Variants in ABCC4 observed in about 807,000 individuals in gnomAD.
The protein encoded by ABCC4 is ATP binding cassette subfamily C member 4 (PEL blood group).
Under a neutral mutation model 168.5 loss-of-function variants are expected in ABCC4, and 102 were observed. The ratio of observed to expected loss-of-function variants is 0.61; its 90% CI spans 0.52 to 0.71. The LOEUF (loss-of-function observed/expected upper bound fraction) is 0.71, where lower values mean the gene tolerates loss of function less well. Among genes scored for constraint, ABCC4 ranks in the 30% least tolerant of loss-of-function variants. ABCC4 has a pLI of 0.00. For missense variants in ABCC4, 1,402 were observed against 1,605.8 expected, an observed-to-expected ratio of 0.87 and a Z score of 2.17; for synonymous variants, 617 against 590.7, an observed-to-expected ratio of 1.04 and a Z score of -0.65.
intron 1 of ABCC4, among the ~76,000 whole-genome samples, chr13:95,296,835 C>T (rs1251377717): frequency 2.6e-5 from 4 of 152,134 alleles, no homozygotes; most frequent in Non-Finnish European, 5.9e-5. Flanking sequence ...CACTTATTTC[C>T]ACTAACGGGA....
chr13:95,290,794 A>G (rs1486508789), intron 1 of ABCC4, among the ~76,000 whole-genome samples: 1 of 150,704 alleles, frequency 6.6e-6, no homozygotes, highest in Non-Finnish European at 1.5e-5. Flanking sequence ...GGGCAAAAAG[A>G]GCAAAACTCC....
intron 20 of ABCC4, among the ~76,000 whole-genome samples, chr13:95,103,790 G>A (rs1220878081): frequency 6.6e-6 from 1 of 152,054 alleles, no homozygotes; most frequent in African/African-American, 2.4e-5. Context: ...AAATTCCTGT[G>A]CTTAAGAAAC....
At chr13:95,057,839 AAACTTCCTAGATTCCCT>A (rs2033122865) in intron 26 of ABCC4, among the ~76,000 whole-genome samples, 1 of 152,210 alleles carries the variant, frequency 6.6e-6, no homozygotes, top group South Asian at 2.1e-4. Flanking sequence ...GTTTGCTCCC[AAACTTCCTAGATTCCCT>A]ACATCAGTGT....
At position 95,290,143 on chromosome 13, in the gene ABCC4, GA is replaced by G. The variant is rs1240716332; in HGVS notation, c.74+11097del. ...AGATAGATAGATAGATAGATAGATA[GA>G]TAGATGATAGATAGATAGATGCGTG... On this transcript the variant is annotated intron_variant, in intron 1 of 30. Transcript: ENST00000645237. Among the ~76,000 whole-genome samples the G allele has an allele frequency of 1.8e-3, 272 of 151,694 alleles. 1 individual carries two copies. Among genetic ancestry groups the G allele is most frequent in the African/African-American group, 6.2e-3 (257 of 41,332 alleles).
intron 30 of ABCC4, among the ~76,000 whole-genome samples, chr13:95,029,172 A>ATCTATC (rs778904308): frequency 2.1e-4 from 13 of 60,760 alleles, no homozygotes; most frequent in African/African-American, 8.1e-4. Flanking sequence ...AAATACATAT[A>ATCTATC]TATATATATA....
chr13:95,182,169 G>A (rs1028406197), intron 11 of ABCC4, among the ~76,000 whole-genome samples: 2 of 152,066 alleles, frequency 1.3e-5, no homozygotes, highest in African/African-American at 2.4e-5. Context: ...CAACAAAAAG[G>A]CATAACAACA....
chr13:95,276,686 A>C (rs2040980563), intron 1 of ABCC4, among the ~76,000 whole-genome samples: 1 of 152,126 alleles, frequency 6.6e-6, no homozygotes, highest in Admixed American at 6.6e-5. Context: ...ACCCCTCTCA[A>C]ACCACAGCAT....
chr13:95,034,776 T>C lies in ABCC4; in HGVS notation c.3736-37A>G, dbSNP rs759876521. ...CAGAAAGAAACCCATTGAAACACAA[T>C]GTTTTGCAGTAACATATTATAACAG... On this transcript the variant is annotated intron_variant, in intron 29 of 30. Transcript: ENST00000645237. The C allele has an allele frequency of 3.1e-6, 5 of 1,612,872 alleles. No homozygotes were observed. In the African/African-American group the frequency reaches 5.4e-5, roughly 17 times the overall value.
intron 15 of ABCC4, 127 bp from the exon 16 acceptor site, chr13:95,164,645 A>C: frequency 1.0e-6 from 1 of 952,574 alleles, no homozygotes; most frequent in South Asian, 1.9e-5. Context: ...TCTCCTGTGG[A>C]GAAGGGTGTG....
chr13:95,176,886 T>C (rs1406267065), intron 13 of ABCC4, among the ~76,000 whole-genome samples: 5 of 152,214 alleles, frequency 3.3e-5, no homozygotes, highest in East Asian at 3.8e-4. Context: ...GTCTAGACTA[T>C]GTAGGAAGTG....
intron 30 of ABCC4, among the ~76,000 whole-genome samples, chr13:95,028,452 GA>G (rs1217953743): frequency 6.6e-6 from 1 of 151,926 alleles, no homozygotes; most frequent in African/African-American, 2.4e-5. Context: ...GAAAAGAAAT[GA>G]ACAGAAAAAA....
At chr13:95,092,546 C>T (rs138513719) in intron 20 of ABCC4, among the ~76,000 whole-genome samples, 5,650 of 152,074 alleles carry the variant, frequency 0.037, 153 homozygotes, top group Non-Finnish European at 0.055. Context: ...AATGACACAA[C>T]CTATCAAAAC....
intron 21 of ABCC4, among the ~76,000 whole-genome samples, chr13:95,080,721 C>T (rs1353168463): frequency 6.6e-6 from 1 of 152,222 alleles, no homozygotes; most frequent in East Asian, 1.9e-4. Flanking sequence ...GATCCACCCA[C>T]CTCGGCCTCC....
At chr13:95,238,195 G>GAA (rs10644641) in intron 3 of ABCC4, among the ~76,000 whole-genome samples, 13,399 of 65,546 alleles carry the variant, frequency 0.2, 1,088 homozygotes, top group East Asian at 0.46. Flanking sequence ...CTCCATCTCA[G>GAA]AAAAAAAAAA....
chr13:95,088,117 T>C (rs973242382), intron 20 of ABCC4, among the ~76,000 whole-genome samples: 1 of 152,164 alleles, frequency 6.6e-6, no homozygotes, highest in Non-Finnish European at 1.5e-5. Context: ...GAAGAGTGAA[T>C]GGTGTAAGGC....
chr13:95,217,651 T>C lies in ABCC4; in HGVS notation c.532-6870A>G, dbSNP rs544018931. On this transcript the variant is annotated intron_variant, in intron 4 of 30. Transcript: ENST00000645237. ...GGGGAGGCTGAGGCAGGAGAATCGC[T>C]TGAACCCGAGAGGCAGGGGTTGCAG... Among the ~76,000 whole-genome samples the C allele has an allele frequency of 9.9e-5, 15 of 151,100 alleles. No individual in the cohort carries two copies. In the South Asian group the frequency reaches 3.2e-3, roughly 32 times the overall value.
intron 8 of ABCC4, among the ~76,000 whole-genome samples, chr13:95,199,516 A>G (rs1420452133): frequency 4.6e-5 from 7 of 152,182 alleles, no homozygotes; most frequent in African/African-American, 1.7e-4. Context: ...CTAGTATTCC[A>G]TATTTCAGTG....
At chr13:95,104,607 G>C (rs2139382270) in intron 20 of ABCC4, among the ~76,000 whole-genome samples, 1 of 152,272 alleles carries the variant, frequency 6.6e-6, no homozygotes, top group East Asian at 1.9e-4. Context: ...CTTTCCCAAG[G>C]CTTCGACTTG....
At chr13:95,122,927 G>A (rs1268826738) in intron 19 of ABCC4, among the ~76,000 whole-genome samples, 1 of 152,196 alleles carries the variant, frequency 6.6e-6, no homozygotes, top group Non-Finnish European at 1.5e-5. Context: ...TTTTCAAAGT[G>A]TAGTTGTTTC....
Sources: allele counts gnomAD v4.1 joint callset (sites outside exome capture counted in the v4.1 genomes callset), GRCh38; gene constraint gnomAD v4.1.1; transcripts MANE v1.5; gene names NCBI Gene and HGNC (gene_info 2026-07-23, HGNC 2026-07-21).